ATAD2B: variants seen among roughly 807,000 people sequenced by gnomAD.
ATAD2B encodes ATPase family AAA domain-containing protein 2B.
Under a neutral mutation model 167.6 loss-of-function variants are expected in ATAD2B, and 40 were observed. The ratio of observed to expected loss-of-function variants is 0.24; its 90% CI spans 0.19 to 0.31. The LOEUF (loss-of-function observed/expected upper bound fraction) is 0.31, where lower values mean the gene tolerates loss of function less well. ATAD2B is among the 10% of genes least tolerant of loss of function. The pLI, the probability that ATAD2B is intolerant of heterozygous loss-of-function variation, is 1.00. For synonymous variants in ATAD2B, 579 were observed against 596.5 expected (o/e 0.97, Z 0.43); for missense variants, 1,242 against 1,757.2 (o/e 0.71, Z 5.24).
intron 24 of ATAD2B, among the ~76,000 whole-genome samples, chr2:23,759,516 C>T (rs1676390825): frequency 1.3e-5 from 2 of 152,130 alleles, no homozygotes; most frequent in South Asian, 4.1e-4. Flanking sequence ...ATTCCTGCTG[C>T]ATCTCTGTAA....
intron 20 of ATAD2B, among the ~76,000 whole-genome samples, chr2:23,787,958 T>C (rs916222637): frequency 6.6e-6 from 1 of 152,110 alleles, no homozygotes; most frequent in African/African-American, 2.4e-5. Context: ...TCCAAAATTA[T>C]TGAGTCCAAA....
chr2:23,876,367 T>C (rs1696841989), intron 7 of ATAD2B, among the ~76,000 whole-genome samples: 2 of 151,274 alleles, frequency 1.3e-5, no homozygotes, highest in African/African-American at 2.4e-5. Flanking sequence ...AGTGGCGCGA[T>C]CTCGGCTCAC....
intron 17 of ATAD2B, among the ~76,000 whole-genome samples, chr2:23,812,611 C>T (rs1685773879): frequency 6.6e-6 from 1 of 152,000 alleles, no homozygotes; most frequent in Admixed American, 6.6e-5. Context: ...GCCTGTAATC[C>T]CAGCACTTTG....
At position 23,915,173 on chromosome 2, in the gene ATAD2B, A is replaced by G. The variant is rs187652052; in HGVS notation, c.216+11382T>C. The stretch of plus-strand genomic sequence containing the variant: ...AGAGTTACTACATGGATGAAAATAT[A>G]ATGTTAAGAGAAAATAATAAAATAA... On this transcript the variant is annotated intron_variant, in intron 1 of 27. Transcript: ENST00000238789. Among the ~76,000 whole-genome samples the G allele has an allele frequency of 1.6e-4, 25 of 152,298 alleles. No homozygotes were observed. The East Asian group carries it at 4.6e-3, about 28-fold the overall frequency.
chr2:23,912,458 G>C (rs994519077), intron 1 of ATAD2B, among the ~76,000 whole-genome samples: 6 of 151,696 alleles, frequency 4.0e-5, no homozygotes, highest in African/African-American at 9.7e-5. Flanking sequence ...AGTGGGCTAC[G>C]ATCATGCCAC....
intron 1 of ATAD2B, among the ~76,000 whole-genome samples, chr2:23,896,619 T>G (rs1035786968): frequency 6.6e-6 from 1 of 152,160 alleles, no homozygotes; most frequent in African/African-American, 2.4e-5. Context: ...AAGGGCACTT[T>G]GCTACATTAC....
chr2:23,890,535 T>G (rs28505387), intron 2 of ATAD2B, among the ~76,000 whole-genome samples: 1,890 of 152,290 alleles, frequency 0.012, 37 homozygotes, highest in African/African-American at 0.043. Context: ...ACTCTCAAAA[T>G]CCACTTAAAA....
chr2:23,769,833 G>A (rs1678036629), intron 22 of ATAD2B, among the ~76,000 whole-genome samples: 1 of 149,748 alleles, frequency 6.7e-6, no homozygotes, highest in African/African-American at 2.5e-5. Flanking sequence ...ACAGGTGTGT[G>A]CCACCCCACC....
chr2:23,877,858 A>T (rs983957191), intron 7 of ATAD2B, among the ~76,000 whole-genome samples: 12 of 151,360 alleles, frequency 7.9e-5, no homozygotes, highest in African/African-American at 2.9e-4. Context: ...ACTATCTCAA[A>T]AAAAAAGAAA....
At chr2:23,870,426 G>A (rs1305879239) in intron 8 of ATAD2B, among the ~76,000 whole-genome samples, 1 of 151,090 alleles carries the variant, frequency 6.6e-6, no homozygotes, top group Non-Finnish European at 1.5e-5. Flanking sequence ...AACTGAGACT[G>A]GAGGCACCCG....
chr2:23,900,915 T>A (rs1700750274), intron 1 of ATAD2B: 2 of 152,806 alleles, frequency 1.3e-5, no homozygotes, highest in East Asian at 3.9e-4. Flanking sequence ...TTAAGAATCC[T>A]TAAGTCCAAA....
intron 13 of ATAD2B, among the ~76,000 whole-genome samples, chr2:23,851,533 G>T (rs1035251991): frequency 6.6e-6 from 1 of 152,122 alleles, no homozygotes; most frequent in African/African-American, 2.4e-5. Flanking sequence ...TACGTCCCCC[G>T]CCTGCCCCTT....
At chr2:23,910,505 G>T (rs1702134138) in intron 1 of ATAD2B, among the ~76,000 whole-genome samples, 1 of 151,676 alleles carries the variant, frequency 6.6e-6, no homozygotes, top group Non-Finnish European at 1.5e-5. Context: ...TCATTGTCTG[G>T]TCACTCAATT....
At chr2:23,868,689 G>C (rs1026431344) in intron 9 of ATAD2B, among the ~76,000 whole-genome samples, 6 of 151,660 alleles carry the variant, frequency 4.0e-5, no homozygotes, top group Non-Finnish European at 8.8e-5. Context: ...ATCACATCTT[G>C]AACACTAAGC....
At chr2:23,703,554 A>G in the ATAD2B span, among the ~76,000 whole-genome samples, 1 of 152,322 alleles carries the variant, frequency 6.6e-6, no homozygotes, top group South Asian at 2.1e-4. Context: ...GGGGCAAGTG[A>G]GTCAAGGCTC....
the ATAD2B span, chr2:23,684,676 T>C: frequency 7.6e-6 from 5 of 656,838 alleles, no homozygotes; most frequent in Admixed American, 3.4e-5. The surrounding 1 kb of genome is among the most constrained non-coding windows in gnomAD (Gnocchi z 4.4). Context: ...CTCCTCCTCC[T>C]CCTCCTCCTC....
intron 2 of ATAD2B, among the ~76,000 whole-genome samples, chr2:23,891,528 C>T (rs1157956185): frequency 6.6e-6 from 1 of 151,950 alleles, no homozygotes; most frequent in Non-Finnish European, 1.5e-5. Flanking sequence ...CAGAGCCTCA[C>T]TCTGTCGCCC....
chr2:23,847,842 A>G (rs1691917193), intron 13 of ATAD2B, among the ~76,000 whole-genome samples: 1 of 150,934 alleles, frequency 6.6e-6, no homozygotes, highest in South Asian at 2.1e-4. Flanking sequence ...AAAATACAAA[A>G]ATTAGCCAGG....
the ATAD2B span, chr2:23,706,749 A>C: frequency 1.0e-6 from 1 of 962,702 alleles, no homozygotes; most frequent in South Asian, 2.0e-5. Context: ...CGACACCAAC[A>C]AGAGGCCAAC....
Sources: gnomAD v4.1 joint callset for allele counts (sites outside exome capture counted in the v4.1 genomes callset) on GRCh38, gnomAD v4.1.1 for gene constraint, Gnocchi (gnomAD v3.1) non-coding constraint, MANE v1.5 for transcripts, NCBI Gene and HGNC (gene_info 2026-07-23, HGNC 2026-07-21) for gene names.